The following KCNG2 variants were observed in gnomAD, a reference collection of about 807,000 sequenced individuals.
KCNG2 encodes voltage-gated potassium channel regulatory subunit KCNG2.
In KCNG2, 7 loss-of-function variants were observed where a neutral mutation model predicts 12.3. The observed-to-expected ratio is 0.57, with a 90% CI of 0.32 to 1.07. The LOEUF is 1.07. Ranked by LOEUF, KCNG2 falls within the 50% of genes least tolerant of loss-of-function variation. KCNG2 has a pLI of 0.04. For missense variants in KCNG2, 703 were observed against 726.0 expected (o/e 0.97, Z 0.36); for synonymous variants, 414 against 351.4 (o/e 1.18, Z -1.99).
chr18:79,867,341 T>C (rs1979634289), intron 3 of KCNG2, among the ~76,000 whole-genome samples: 1 of 151,462 alleles, frequency 6.6e-6, no homozygotes, highest in Admixed American at 6.6e-5. Flanking sequence ...TATGTTACCA[T>C]GAGGAGGCAA....
In KCNG2 at chr18:79,894,811, T is replaced by G. The variant is rs546751668; in HGVS notation, c.625-4229T>G. On this transcript the variant is annotated intron_variant, in intron 3 of 3. Coordinates refer to ENST00000316249, the MANE Select transcript of KCNG2 (RefSeq NM_012283.2). ...TTGTTCACTCCATTCACATCTAATG[T>G]TACGATTGATATAGTGGGGTCTGTG... 6.6e-5 allele frequency among the ~76,000 whole-genome samples: 10 copies of G among 151,108 alleles called. No homozygotes were observed. The East Asian group carries it at 7.9e-4, about 12-fold the overall frequency.
At chr18:79,894,048 G>A (rs1038528981) in intron 3 of KCNG2, among the ~76,000 whole-genome samples, 6 of 150,610 alleles carry the variant, frequency 4.0e-5, no homozygotes, top group African/African-American at 1.5e-4. Flanking sequence ...TAATGTTAAC[G>A]ATTAATATAG....
At position 79,807,483 on chromosome 18, in the gene KCNG2, C is replaced by T. The variant is rs949467540; in HGVS notation, c.-115+9469C>T. 5.3e-5 allele frequency among the ~76,000 whole-genome samples: 8 copies of T among 152,198 alleles called. No homozygotes were observed. In the East Asian group the frequency reaches 1.2e-3, roughly 22 times the overall value. On this transcript the variant is annotated intron_variant, in intron 1 of 3. Coordinates refer to ENST00000316249, the MANE Select transcript of KCNG2 (RefSeq NM_012283.2). ...GGCGCGGACTGCTCTGACACGTCAC[C>T]CCACCGGGATTTTTAGAACGCCTCT... is the stretch of plus-strand genomic sequence containing the variant.
intron 1 of KCNG2, among the ~76,000 whole-genome samples, chr18:79,842,710 C>T (rs568465793): frequency 3.9e-5 from 6 of 152,242 alleles, no homozygotes; most frequent in African/African-American, 7.2e-5. Flanking sequence ...AGATAAAGCA[C>T]GCATGATTGA....
At chr18:79,817,711 A>T (rs1044854622) in intron 1 of KCNG2, among the ~76,000 whole-genome samples, 1 of 152,086 alleles carries the variant, frequency 6.6e-6, no homozygotes, top group African/African-American at 2.4e-5. Flanking sequence ...CCCTCCCTCC[A>T]CACCTCCCAC....
Position 79,899,193 on chromosome 18 carries a change from C to T in KCNG2, c.778C>T (p.Leu260=), listed in dbSNP as rs765035629. The change falls in exon 4 of 4, where the codon CTG becomes TTG. Residue 260 remains leucine (L), a synonymous_variant. Transcript: ENST00000316249. ...PLNIIDILAL[L]PFYVSLLLGL... is the part of the protein sequence containing the mutation. Reference sequence around the variant, plus strand: ...CAACATCATTGACATCCTGGCGCTCCTGCCGTTCTACGTGTCGCTGCTGCT... The same window carrying T: ...CAACATCATTGACATCCTGGCGCTCTTGCCGTTCTACGTGTCGCTGCTGCT... 8 of 1,604,446 alleles carry T rather than the reference C, an allele frequency of 5.0e-6. No homozygotes were observed. In the South Asian group the frequency reaches 5.5e-5, roughly 11 times the overall value.
intron 1 of KCNG2, among the ~76,000 whole-genome samples, chr18:79,834,678 A>G (rs963428718): frequency 6.6e-6 from 1 of 152,190 alleles, no homozygotes; most frequent in Non-Finnish European, 1.5e-5. Flanking sequence ...AGATAATGGG[A>G]GTGCTAGAAG....
Position 79,894,397 on chromosome 18 carries a change from T to A in KCNG2, c.625-4643T>A, listed in dbSNP as rs1461030456. Among the ~76,000 whole-genome samples, 3 of 149,408 alleles carry A rather than the reference T, an allele frequency of 2.0e-5. No individual in the cohort carries two copies. The East Asian group carries it at 5.9e-4, about 29-fold the overall frequency. On this transcript the variant is annotated intron_variant, in intron 3 of 3. Coordinates refer to ENST00000316249, the MANE Select transcript of KCNG2 (RefSeq NM_012283.2). ...TAGTTGGGTCTGTGTCTGCTTTTGA[T>A]TGGGTTGTTCATGCCATTAATTACG... is the stretch of plus-strand genomic sequence containing the variant.
In KCNG2 at chr18:79,815,813, G is replaced by C. The variant is rs573753935; in HGVS notation, c.-115+17799G>C. Among the ~76,000 whole-genome samples the C allele has an allele frequency of 3.9e-5, 6 of 152,376 alleles. No homozygotes were observed. The East Asian group carries it at 1.2e-3, about 29-fold the overall frequency. On this transcript the variant is annotated intron_variant, in intron 1 of 3. Coordinates refer to ENST00000316249, the MANE Select transcript of KCNG2 (RefSeq NM_012283.2). The stretch of plus-strand genomic sequence containing the variant: ...GAAGCAGCTGTTCTAACCCAAGTCT[G>C]GGGCTCCCCGCTGGCCTGTGTGCCC...
rs2087400849 is a variant in KCNG2, at chr18:79,800,561, G to A, written c.-115+2547G>A. 6.6e-6 allele frequency among the ~76,000 whole-genome samples: 1 copy of A among 152,256 alleles called. No individual in the cohort carries two copies. The highest frequency in any genetic ancestry group is 1.5e-5 in the Non-Finnish European group (1 of 68,038). On this transcript the variant is annotated intron_variant, in intron 1 of 3. Coordinates refer to ENST00000316249, the MANE Select transcript of KCNG2 (RefSeq NM_012283.2). This position sits in a 1 kb window ranked among gnomAD's most constrained non-coding sequence, Gnocchi z 4.0. ...ACCGGCTGAATCAGAGCCTGCCTCT[G>A]ACGAGACATGTACCCCGCCTTCCCG... is the stretch of plus-strand genomic sequence containing the variant.
intron 3 of KCNG2, among the ~76,000 whole-genome samples, chr18:79,880,474 G>A (rs1980253456): frequency 6.6e-6 from 1 of 151,914 alleles, no homozygotes; most frequent in African/African-American, 2.4e-5. Context: ...AACCTTCCAG[G>A]AAGAAAATTC....
intron 1 of KCNG2, among the ~76,000 whole-genome samples, chr18:79,798,816 G>C (rs1385854521): frequency 1.3e-5 from 2 of 152,204 alleles, no homozygotes; most frequent in African/African-American, 4.8e-5. Context: ...TGGACGGAGG[G>C]GGCGTCCGGC....
At chr18:79,833,049 G>A (rs978271208) in intron 1 of KCNG2, among the ~76,000 whole-genome samples, 37 of 152,258 alleles carry the variant, frequency 2.4e-4, no homozygotes, top group African/African-American at 6.7e-4. Flanking sequence ...TTTGAAATTT[G>A]TATAATTTTT....
intron 1 of KCNG2, among the ~76,000 whole-genome samples, chr18:79,819,285 C>G (rs200146532): frequency 6.6e-6 from 1 of 152,186 alleles, no homozygotes; most frequent in African/African-American, 2.4e-5. Context: ...GCAGCTCAGG[C>G]GGGCCAGCCT....
At chr18:79,893,021 T>C (rs1221178414) in intron 3 of KCNG2, among the ~76,000 whole-genome samples, 1 of 151,592 alleles carries the variant, frequency 6.6e-6, no homozygotes, top group Admixed American at 6.6e-5. Flanking sequence ...CATTCACATC[T>C]AATGTTACAA....
At chr18:79,880,076 T>C (rs1469310000) in intron 3 of KCNG2, among the ~76,000 whole-genome samples, 1 of 152,082 alleles carries the variant, frequency 6.6e-6, no homozygotes, top group Non-Finnish European at 1.5e-5. Flanking sequence ...ACCCCAAAAA[T>C]GGGATGTAAC....
chr18:79,881,229 T>C (rs11876449), intron 3 of KCNG2, among the ~76,000 whole-genome samples: 5 of 151,316 alleles, frequency 3.3e-5, no homozygotes, highest in East Asian at 3.9e-4. Context: ...ACACACCATA[T>C]GATTGGAAAG....
At chr18:79,840,285 CATAAG>C (rs775537401) in intron 1 of KCNG2, among the ~76,000 whole-genome samples, 1 of 152,036 alleles carries the variant, frequency 6.6e-6, no homozygotes, top group Non-Finnish European at 1.5e-5. Flanking sequence ...GATTGCAAGA[CATAAG>C]ATAAACATAC....
At chr18:79,857,674 G>A (rs1451842189) in intron 2 of KCNG2, among the ~76,000 whole-genome samples, 5 of 151,858 alleles carry the variant, frequency 3.3e-5, no homozygotes, top group South Asian at 2.1e-4. Flanking sequence ...TGACGTTGGC[G>A]GTGGAAGGCA....
Sources: allele counts gnomAD v4.1 joint callset (sites outside exome capture counted in the v4.1 genomes callset), GRCh38; gene constraint gnomAD v4.1.1; non-coding constraint Gnocchi (gnomAD v3.1); transcripts MANE v1.5; gene names NCBI Gene and HGNC (gene_info 2026-07-23, HGNC 2026-07-21).